The following PCDHGA8 variants were observed in gnomAD, a reference collection of about 807,000 sequenced individuals.
PCDHGA8 encodes protocadherin gamma-A8.
A neutral mutation model predicts 59.2 loss-of-function variants in PCDHGA8; 45 were observed. The ratio of observed to expected loss-of-function variants is 0.76; its 90% CI spans 0.60 to 0.98. The LOEUF (loss-of-function observed/expected upper bound fraction) is 0.98, where lower values mean the gene tolerates loss of function less well. Ranked by LOEUF, PCDHGA8 falls within the 50% of genes least tolerant of loss-of-function variation. The pLI is 0.00. For synonymous variants in PCDHGA8, 531 were observed against 519.0 expected (o/e 1.02, Z -0.32); for missense variants, 1,257 against 1,196.2 (o/e 1.05, Z -0.75).
At chr5:141,420,064 C>T (rs1204112062) in intron 1 of PCDHGA8, 1 of 1,614,052 alleles carries the variant, frequency 6.2e-7, no homozygotes, top group Non-Finnish European at 8.5e-7. Context: ...GCTCCAAGTC[C>T]GGACCTGTGG....
chr5:141,393,311 C>T lies in PCDHGA8; in HGVS notation c.498C>T (p.Ser166=). The T allele has an allele frequency of 6.2e-7, 1 of 1,613,484 alleles. No homozygotes were observed. The highest frequency in any genetic ancestry group is 8.5e-7 in the Non-Finnish European group (1 of 1,179,838). ...EAVDPDVGVN[S]LQSYQLSPNH... ...TTGACCCGGATGTGGGCGTGAACTC[C>T]CTCCAGAGCTACCAGCTCAGCCCCA... is the stretch of plus-strand genomic sequence containing the variant. The change falls in exon 1 of 4, where the codon TCC becomes TCT. Residue 166 remains serine (S), a synonymous_variant. Transcript: ENST00000398604.
intron 1 of PCDHGA8, chr5:141,413,400 G>C: frequency 6.2e-7 from 1 of 1,614,060 alleles, no homozygotes; most frequent in Non-Finnish European, 8.5e-7. Context: ...CCAGAGGTAG[G>C]ACGCAGCTTT....
chr5:141,423,798 A>G (rs551396089), intron 1 of PCDHGA8: 76 of 1,222,390 alleles, frequency 6.2e-5, no homozygotes, highest in Middle Eastern at 4.5e-4. Context: ...TATTTAGAGC[A>G]ATACATGTGA....
At chr5:141,450,549 C>T (rs1414500813) in intron 1 of PCDHGA8, among the ~76,000 whole-genome samples, 2 of 151,756 alleles carry the variant, frequency 1.3e-5, no homozygotes, top group Non-Finnish European at 2.9e-5. Context: ...TGCAGTGGCG[C>T]AGTCTCGGCT....
chr5:141,453,214 A>T (rs1174586625), intron 1 of PCDHGA8, among the ~76,000 whole-genome samples: 2 of 152,058 alleles, frequency 1.3e-5, no homozygotes, highest in African/African-American at 4.8e-5. Flanking sequence ...CGTGCACTTA[A>T]GCGATCCTCC....
chr5:141,432,991 C>G lies in PCDHGA8; in HGVS notation c.2424+37754C>G, dbSNP rs1269992849. ...CGGCGTCGCACTTTGTGGGCGTGGACGGGGTGCAGGCTTTCCTGCAGACCT... is the reference window on the plus strand; with the variant it reads ...CGGCGTCGCACTTTGTGGGCGTGGAGGGGGTGCAGGCTTTCCTGCAGACCT... On this transcript the variant is annotated intron_variant, in intron 1 of 3. Transcript: ENST00000398604. The surrounding 1 kb of genome is among the most constrained non-coding windows in gnomAD (Gnocchi z 6.0). The G allele has an allele frequency of 6.2e-7, 1 of 1,614,200 alleles. No homozygotes were observed. Among genetic ancestry groups the G allele is most frequent in the Admixed American group, 1.7e-5 (1 of 60,032 alleles).
At chr5:141,466,275 A>G (rs1163982252) in intron 1 of PCDHGA8, among the ~76,000 whole-genome samples, 1 of 152,112 alleles carries the variant, frequency 6.6e-6, no homozygotes. Context: ...AGCTCAAGCA[A>G]TCTTCCCACC....
At chr5:141,412,938 T>C (rs2095590973) in intron 1 of PCDHGA8, 3 of 461,786 alleles carry the variant, frequency 6.5e-6, no homozygotes, top group Admixed American at 7.7e-5. Context: ...TTCTTAGGAC[T>C]CTGAGCGCCG....
At position 141,430,830 on chromosome 5, in the gene PCDHGA8, G is replaced by A. The variant is rs754181300; in HGVS notation, c.2424+35593G>A. The stretch of plus-strand genomic sequence containing the variant: ...CTGGGAATCCTCCTGGGGACTCTGT[G>A]GGAGACCGGATGCACCCAGATACGC... On this transcript the variant is annotated intron_variant, in intron 1 of 3. Coordinates refer to ENST00000398604, the MANE Select transcript of PCDHGA8 (RefSeq NM_032088.2). 8 of 1,554,850 alleles carry A rather than the reference G, an allele frequency of 5.1e-6. No homozygotes were observed. The East Asian group carries it at 1.6e-4, about 31-fold the overall frequency.
intron 1 of PCDHGA8, among the ~76,000 whole-genome samples, chr5:141,470,842 C>A (rs2099241464): frequency 6.6e-6 from 1 of 152,044 alleles, no homozygotes; most frequent in Non-Finnish European, 1.5e-5. Context: ...CACACGCCAC[C>A]ATGCTCAGAT....
chr5:141,393,137 C>T lies in PCDHGA8; in HGVS notation c.324C>T (p.Thr108=), dbSNP rs777446564. Reference sequence around the variant, plus strand: ...CGCGGTGTCTGATAAATATTAACACCCTGGTTGAGGATAAAGGAAAACTCT... The same window carrying T: ...CGCGGTGTCTGATAAATATTAACACTCTGGTTGAGGATAAAGGAAAACTCT... ...QSPRCLININ[T]LVEDKGKLFG... The change falls in exon 1 of 4, where the codon ACC becomes ACT. Residue 108 remains threonine, a synonymous_variant. Transcript: ENST00000398604. 8.7e-6 allele frequency: 14 copies of T among 1,613,286 alleles called. No homozygotes were observed. Among genetic ancestry groups the T allele is most frequent in the South Asian group, 2.2e-5 (2 of 91,080 alleles).
chr5:141,442,774 AT>A (rs2098342677), intron 1 of PCDHGA8, among the ~76,000 whole-genome samples: 1 of 152,188 alleles, frequency 6.6e-6, no homozygotes, highest in Non-Finnish European at 1.5e-5. Flanking sequence ...TATGTGTTTG[AT>A]TATATTTTAT....
intron 1 of PCDHGA8, chr5:141,410,427 A>G (rs746046310): frequency 1.4e-5 from 22 of 1,613,832 alleles, no homozygotes; most frequent in East Asian, 1.1e-4. Flanking sequence ...GTTCCCCCCA[A>G]CTACAGTGAG....
In PCDHGA8 at chr5:141,489,461, A is replaced by G. The variant is rs1329676538; in HGVS notation, c.2425-5346A>G. 5.0e-6 allele frequency: 8 copies of G among 1,613,832 alleles called. No homozygotes were observed. The highest frequency in any genetic ancestry group is 6.8e-6 in the Non-Finnish European group (8 of 1,179,986). On this transcript the variant is annotated intron_variant, in intron 1 of 3. Transcript: ENST00000398604. This position sits in a 1 kb window ranked among gnomAD's most constrained non-coding sequence, Gnocchi z 4.5. ...TTGGGCTCTGAGGAGAATGGGCGCT[A>G]TTTTTCCCTGAGCTTGATGAGTGGT...
rs1562187768 is a variant in PCDHGA8, at chr5:141,499,029, A to AAGG, written c.2483+4165_2483+4166insGGA. 5.0e-3 allele frequency among the ~76,000 whole-genome samples: 706 copies of AAGG among 140,066 alleles called. 6 individuals carry two copies. Among genetic ancestry groups the AAGG allele is most frequent in the African/African-American group, 0.019 (683 of 36,064 alleles). The allele number at this position is 140,066 out of a possible 152,430, so 91.9% of individuals were successfully genotyped here. A position where few individuals can be genotyped will look rare whatever the true frequency, so the allele number is the denominator to read the frequency against. ...GGAAGGAAGGAAGGAAGGAAGGAAG[A>AAGG]AAAGAAAGAAAAAGGGAGAAAAAAT... On this transcript the variant is annotated intron_variant, in intron 2 of 3. Transcript: ENST00000398604.
In PCDHGA8 at chr5:141,394,508, C is replaced by A. The variant is rs776107587; in HGVS notation, c.1695C>A (p.Pro565=). The change falls in exon 1 of 4, where the codon CCC becomes CCA. Residue 565 remains proline, a synonymous_variant. Transcript: ENST00000398604. ...QNDNAPEILY[P]ALPTDGSTGV... The stretch of plus-strand genomic sequence containing the variant: ...ACAACGCGCCCGAGATCCTGTACCC[C>A]GCCCTCCCCACAGACGGTTCCACTG... 3 of 1,614,104 alleles carry A rather than the reference C, an allele frequency of 1.9e-6. No homozygotes were observed. The highest frequency in any genetic ancestry group is 2.5e-6 in the Non-Finnish European group (3 of 1,180,042).
intron 1 of PCDHGA8, among the ~76,000 whole-genome samples, chr5:141,463,024 A>G (rs2099051235): frequency 6.6e-6 from 1 of 152,070 alleles, no homozygotes; most frequent in South Asian, 2.1e-4. Context: ...GACTTTTTTG[A>G]TTAATCTGAG....
chr5:141,467,532 T>G (rs2099145568), intron 1 of PCDHGA8, among the ~76,000 whole-genome samples: 1 of 152,234 alleles, frequency 6.6e-6, no homozygotes, highest in Non-Finnish European at 1.5e-5. Flanking sequence ...TGTGCTGAGA[T>G]ATGGATCTGA....
At chr5:141,421,017 T>TGC (rs1489188484) in intron 1 of PCDHGA8, 1 of 518,776 alleles carries the variant, frequency 1.9e-6, no homozygotes, top group African/African-American at 2.0e-5. Flanking sequence ...AATGGGAAGC[T>TGC]GCGCGCCATT....
Sources: gnomAD v4.1 joint callset for allele counts (sites outside exome capture counted in the v4.1 genomes callset) on GRCh38, gnomAD v4.1.1 for gene constraint, Gnocchi (gnomAD v3.1) non-coding constraint, MANE v1.5 for transcripts, NCBI Gene and HGNC (gene_info 2026-07-23, HGNC 2026-07-21) for gene names.